The following IL9R variants were observed in gnomAD, a reference collection of about 807,000 sequenced individuals.
IL9R encodes interleukin-9 receptor.
In IL9R, 54 loss-of-function variants were observed where a neutral mutation model predicts 56.3. That is an observed-to-expected ratio of 0.96 (90% CI 0.77 to 1.20). IL9R has a LOEUF of 1.20. Ranked by LOEUF, IL9R falls within the 50% of genes most tolerant of loss-of-function variation. The probability of loss-of-function intolerance (pLI) is 0.00; values close to 1 mark genes in which losing one functional copy is unlikely to be tolerated. For missense variants in IL9R, 545 were observed against 629.8 expected (o/e 0.87, Z 1.44); for synonymous variants, 212 against 250.2 (o/e 0.85, Z 1.44).
chrX:156,009,558 C>T (rs1414624617), intron 8 of IL9R, among the ~76,000 whole-genome samples: 29 of 144,690 alleles, frequency 2.0e-4, no homozygotes, highest in Non-Finnish European at 3.4e-4. Flanking sequence ...TTCAGGCTGC[C>T]GTGGGCACCA....
Position 156,008,070 on chromosome X carries a change from A to T in IL9R, c.972+463A>T, listed in dbSNP as rs1482726753. 8 of 236,560 alleles carry T rather than the reference A, an allele frequency of 3.4e-5. No homozygotes were observed. The Admixed American group carries it at 3.8e-4, about 11-fold the overall frequency. The allele number at this position is 236,560 out of a possible 1,614,324, so 14.7% of individuals were successfully genotyped here. On this transcript the variant is annotated intron_variant, in intron 8 of 8. Coordinates refer to ENST00000244174, the MANE Select transcript of IL9R (RefSeq NM_002186.3). ...GGATCACATGATGGCACCACAGCTG[A>T]GGAGTGGGCTCTGCACTTCCCCCCC...
rs758528025 is a variant in IL9R at position 156,003,714 on chromosome X, C to T, written c.292C>T (p.Arg98Trp). 74 of 1,613,530 alleles carry T rather than the reference C, an allele frequency of 4.6e-5. No individual in the cohort carries two copies. In the East Asian group the frequency reaches 4.9e-4, roughly 11 times the overall value. The change falls in exon 4 of 9, where the codon CGG becomes TGG. Residue 98 changes from arginine (R) to tryptophan (W), a missense_variant. Coordinates refer to ENST00000244174, the MANE Select transcript of IL9R (RefSeq NM_002186.3). ...APGGTHKCIL[R>W]GSECTVVLPP... ...TGGCGGCACACATAAGTGCATCTTG[C>T]GGGGCAGTGAGTGCACCGTCGTGCT...
chrX:156,011,645 G>C (rs2068445705), downstream of IL9R, among the ~76,000 whole-genome samples: 1 of 95,960 alleles, frequency 1.0e-5, no homozygotes, highest in South Asian at 4.1e-4. Context: ...CCCCTCCCTG[G>C]GTGAGGACTT....
At chrX:156,006,450 G>A (rs941593986) in intron 7 of IL9R, among the ~76,000 whole-genome samples, 1 of 149,826 alleles carries the variant, frequency 6.7e-6, no homozygotes, top group Non-Finnish European at 1.5e-5. Context: ...TGAGGCAGAG[G>A]CTGAAGATAA....
chrX:156,009,429 T>TCGTG (rs1556414515), intron 8 of IL9R, among the ~76,000 whole-genome samples: 1 of 134,014 alleles, frequency 7.5e-6, no homozygotes, highest in African/African-American at 3.0e-5. Flanking sequence ...TTGTGTATGT[T>TCGTG]TGTGTGTGTG....
At chrX:156,000,259 T>A (rs989866929) in intron 1 of IL9R, among the ~76,000 whole-genome samples, 2 of 151,994 alleles carry the variant, frequency 1.3e-5, no homozygotes, top group African/African-American at 4.8e-5. Context: ...GGCACAGAGA[T>A]GCTCAGGGCT....
chrX:156,004,363 G>T lies in IL9R; in HGVS notation c.434-57G>T, dbSNP rs2067758148. On this transcript the variant is annotated intron_variant, in intron 4 of 8. Transcript: ENST00000244174. The stretch of plus-strand genomic sequence containing the variant: ...TTCAGACCCCAGTCTTGTGTGTTCT[G>T]ACTGACACACCCAGACCCATGGGGC... The T allele has an allele frequency of 1.9e-6, 3 of 1,591,916 alleles. No homozygotes were observed. In the Admixed American group the frequency reaches 5.0e-5, roughly 27 times the overall value.
chrX:156,008,718 A>G (rs2068165202), intron 8 of IL9R, among the ~76,000 whole-genome samples: 1 of 152,292 alleles, frequency 6.6e-6, no homozygotes, highest in Non-Finnish European at 1.5e-5. Context: ...TGTGTGTGTG[A>G]TGCATGGGAT....
chrX:156,004,544 G>A lies in IL9R; in HGVS notation c.558G>A (p.Lys186=). 2 of 1,612,940 alleles carry A rather than the reference G, an allele frequency of 1.2e-6. No homozygotes were observed. The highest frequency in any genetic ancestry group is 8.5e-7 in the Non-Finnish European group (1 of 1,179,866). The change falls in exon 5 of 9, where the codon AAG becomes AAA. Residue 186 remains lysine, a synonymous_variant. Transcript: ENST00000244174. ...TTLLSYELAF[K]KQEEAWEQAQ... is the part of the protein sequence containing the mutation. ...TTCTCAGCTATGAGCTGGCCTTCAA[G>A]AAGCAGGAAGAGGCCTGGGAGGTAA... is the stretch of plus-strand genomic sequence containing the variant.
intron 2 of IL9R, among the ~76,000 whole-genome samples, 190 bp from the exon 3 acceptor site, chrX:156,003,259 T>G (rs2067665815): frequency 6.6e-6 from 1 of 152,100 alleles, no homozygotes; most frequent in Non-Finnish European, 1.5e-5. Flanking sequence ...TCTCCAGATC[T>G]GACTTGCCCG....
chrX:156,004,641 T>C (rs2067787241), intron 5 of IL9R, 76 bp downstream of exon 5: 9 of 1,423,162 alleles, frequency 6.3e-6, no homozygotes, highest in African/African-American at 1.4e-5. Flanking sequence ...CCACTCTACA[T>C]AGGGAGATGT....
At chrX:155,998,660 G>A (rs902460169) in intron 1 of IL9R, among the ~76,000 whole-genome samples, 4 of 151,960 alleles carry the variant, frequency 2.6e-5, no homozygotes, top group South Asian at 2.1e-4. Context: ...CCAGAGCCCC[G>A]CTCCTGGGTA....
At chrX:156,003,364 G>A in intron 2 of IL9R, 85 bp from the exon 3 acceptor site, 2 of 937,682 alleles carry the variant, frequency 2.1e-6, no homozygotes, top group Non-Finnish European at 3.5e-6. Context: ...CTGCTAGGGT[G>A]TCAGCTGTCA....
At position 156,006,089 on chromosome X, in the gene IL9R, T is replaced by C. The variant is rs140792404; in HGVS notation, c.788T>C (p.Leu263Pro). 9.3e-5 allele frequency: 149 copies of C among 1,600,594 alleles called. 1 individual carries two copies. In the African/African-American group the frequency reaches 1.9e-3, roughly 20 times the overall value. Residue 263 changes from leucine (L) to proline (P), a missense_variant, in exon 7 of 9, where the codon CTG becomes CCG. By Grantham distance (98) the Leu-to-Pro change is moderately conservative. This residue lies in a region of IL9R where 431 missense variants were observed against 360.0 expected (regional missense o/e 1.20). Coordinates refer to ENST00000244174, the MANE Select transcript of IL9R (RefSeq NM_002186.3). ...GGGCCCTTCCTGTCCACAGGCCCTC[T>C]GATCCCACCCTGGGGGTGGCCAGGC... ...CFQAPQRQGP[L>P]IPPWGWPGNT... is the part of the protein sequence containing the mutation.
intron 1 of IL9R, chrX:156,001,649 G>A: frequency 1.5e-6 from 1 of 670,010 alleles, no homozygotes; most frequent in Non-Finnish European, 2.6e-6. Context: ...GTAAGTCTGT[G>A]TGCGTGTCTG....
chrX:156,008,461 G>A (rs1286824706), intron 8 of IL9R, among the ~76,000 whole-genome samples: 16 of 152,120 alleles, frequency 1.1e-4, no homozygotes, highest in African/African-American at 2.9e-4. Flanking sequence ...ACCATGAACC[G>A]GGCATCTGGC....
intron 1 of IL9R, 99 bp downstream of exon 1, chrX:155,997,886 A>C (rs2124475762): frequency 8.5e-7 from 1 of 1,180,070 alleles, no homozygotes; most frequent in African/African-American, 1.5e-5. Flanking sequence ...CCAGGGAGCC[A>C]CTGTGGCATT....
At position 156,005,410 on chromosome X, in the gene IL9R, G is replaced by C; in HGVS notation, c.712G>C (p.Glu238Gln). 6 of 1,613,236 alleles carry C rather than the reference G, an allele frequency of 3.7e-6. No individual in the cohort carries two copies. Among genetic ancestry groups the C allele is most frequent in the Non-Finnish European group, 5.1e-6 (6 of 1,179,840 alleles). ...MATLEDDVVE[E>Q]ERYTGQWSEW... ...CACACTGGAGGATGATGTGGTAGAG[G>C]AGGAGCGTTATACAGGCCAGTGGAG... is the stretch of plus-strand genomic sequence containing the variant. The change falls in exon 6 of 9, where the codon GAG becomes CAG. Residue 238 changes from glutamate (E) to glutamine (Q), a missense_variant. This residue lies in a region of IL9R where 431 missense variants were observed against 360.0 expected (regional missense o/e 1.20). Transcript: ENST00000244174.
At chrX:156,001,645 CTGTG>C in intron 1 of IL9R, 2 of 182,262 alleles carry the variant, frequency 1.1e-5, no homozygotes, top group Admixed American at 2.0e-4. Flanking sequence ...GGCTGTAAGT[CTGTG>C]TGCGTGTCTG....
Sources: gnomAD v4.1 joint callset for allele counts (sites outside exome capture counted in the v4.1 genomes callset) on GRCh38, gnomAD v4.1.1 for gene constraint, gnomAD v4.1.1 regional missense constraint, MANE v1.5 for transcripts, NCBI Gene and HGNC (gene_info 2026-07-23, HGNC 2026-07-21) for gene names.